Variants in RASAL2 observed in about 807,000 individuals in gnomAD.
RASAL2 encodes the protein RAS protein activator like 2.
RASAL2 carries 58 observed loss-of-function variants against 128.9 expected under a neutral mutation model. The observed-to-expected ratio is 0.45, with a 90% confidence interval of 0.36 to 0.56. The LOEUF is 0.56. RASAL2 is among the 20% of genes least tolerant of loss of function. The pLI, the probability that RASAL2 is intolerant of heterozygous loss-of-function variation, is 0.00. For synonymous variants in RASAL2, 561 were observed against 580.8 expected (o/e 0.97, Z 0.49); for missense variants, 1,360 against 1,601.6 (o/e 0.85, Z 2.57).
intron 1 of RASAL2, among the ~76,000 whole-genome samples, chr1:178,192,410 A>G (rs1236208055): frequency 1.3e-5 from 2 of 152,260 alleles, no homozygotes; most frequent in African/African-American, 4.8e-5. Flanking sequence ...TTTTAAAAAT[A>G]TGAATAAATT....
chr1:178,198,227 G>A (rs78259789), intron 1 of RASAL2, among the ~76,000 whole-genome samples: 16,521 of 152,150 alleles, frequency 0.11, 1,149 homozygotes, highest in African/African-American at 0.19. Context: ...CCAGTAATGG[G>A]ATCTCTGGGT....
intron 1 of RASAL2, among the ~76,000 whole-genome samples, chr1:178,259,162 G>T (rs371496943): frequency 1.7e-5 from 2 of 117,626 alleles, no homozygotes; most frequent in Middle Eastern, 5.4e-3. Context: ...ACGGAGTCTC[G>T]CTCTGTGGCC....
chr1:178,243,543 G>T (rs928404607), intron 1 of RASAL2, among the ~76,000 whole-genome samples: 1 of 150,056 alleles, frequency 6.7e-6, no homozygotes, highest in African/African-American at 2.5e-5. Flanking sequence ...GCTGCTTATT[G>T]TCTGTTGGCC....
At chr1:178,227,332 G>C (rs1048135050) in intron 1 of RASAL2, among the ~76,000 whole-genome samples, 1 of 152,162 alleles carries the variant, frequency 6.6e-6, no homozygotes, top group Admixed American at 6.5e-5. Context: ...CATCTTCCCT[G>C]TAAGCCCTGT....
In RASAL2 at chr1:178,458,299, C is replaced by T; in HGVS notation, c.3007C>T (p.Gln1003Ter). 6.2e-7 allele frequency: 1 copy of T among 1,614,238 alleles called. No individual in the cohort carries two copies. The change falls in exon 14 of 18, where the codon CAA becomes TAA. Residue 1003 changes from glutamine to a stop codon, truncating the protein, a stop_gained. Transcript: ENST00000367649. LOFTEE classifies it high-confidence loss of function. ...DRHIPLALPRQNSTGQAQIRK... is the reference protein window; with the variant it reads ...DRHIPLALPR ...ACACATACCTCTTGCTTTGCCACGACAAAATAGTACTGGGCAGGCCCAGAT... is the reference window on the plus strand; with the variant it reads ...ACACATACCTCTTGCTTTGCCACGATAAAATAGTACTGGGCAGGCCCAGAT...
intron 1 of RASAL2, among the ~76,000 whole-genome samples, chr1:178,094,928 C>G (rs1490821073): frequency 1.3e-5 from 2 of 152,082 alleles, no homozygotes; most frequent in Non-Finnish European, 2.9e-5. Context: ...AAGTTTAATG[C>G]GGGAGTTGGG....
chr1:178,269,446 C>T (rs1420364082), intron 1 of RASAL2, among the ~76,000 whole-genome samples: 2 of 152,172 alleles, frequency 1.3e-5, no homozygotes, highest in African/African-American at 4.8e-5. Flanking sequence ...TACAGTGAGG[C>T]TGAAACTTAC....
At chr1:178,303,202 G>C (rs186530815) in intron 3 of RASAL2, among the ~76,000 whole-genome samples, 31 of 152,200 alleles carry the variant, frequency 2.0e-4, no homozygotes, top group Middle Eastern at 3.4e-3. Flanking sequence ...TCTTTTTGGA[G>C]TGGGGTGGGA....
intron 3 of RASAL2, among the ~76,000 whole-genome samples, chr1:178,387,078 C>T (rs1672618903): frequency 6.6e-6 from 1 of 152,104 alleles, no homozygotes; most frequent in South Asian, 2.1e-4. Context: ...TTTCTGTATG[C>T]TTTGAAGTAG....
At chr1:178,102,395 A>G (rs1341458441) in intron 1 of RASAL2, among the ~76,000 whole-genome samples, 1 of 151,790 alleles carries the variant, frequency 6.6e-6, no homozygotes, top group Admixed American at 6.6e-5. Context: ...ATCATAGCTC[A>G]TGCCCAGGTT....
chr1:178,243,168 A>G (rs1664595926), intron 1 of RASAL2, among the ~76,000 whole-genome samples: 2 of 152,316 alleles, frequency 1.3e-5, no homozygotes, highest in East Asian at 1.9e-4. Context: ...CTCCAAGCCT[A>G]CAGTAGTGAG....
chr1:178,163,142 A>G (rs1019974278), intron 1 of RASAL2, among the ~76,000 whole-genome samples: 4 of 150,304 alleles, frequency 2.7e-5, no homozygotes, highest in African/African-American at 9.8e-5. Context: ...TAATTTTTAT[A>G]TTTTTAGTAG....
intron 1 of RASAL2, among the ~76,000 whole-genome samples, chr1:178,274,702 C>T (rs1401271719): frequency 1.3e-5 from 2 of 152,142 alleles, no homozygotes; most frequent in Non-Finnish European, 2.9e-5. Flanking sequence ...ATCCTCCTGC[C>T]ACAGCCTCCT....
intron 1 of RASAL2, among the ~76,000 whole-genome samples, chr1:178,257,592 C>T (rs908091238): frequency 1.3e-5 from 2 of 152,126 alleles, no homozygotes; most frequent in Non-Finnish European, 2.9e-5. Context: ...AATCCCTGCA[C>T]TTTGGAAAAC....
intron 3 of RASAL2, among the ~76,000 whole-genome samples, chr1:178,354,230 A>G (rs1670673733): frequency 6.6e-6 from 1 of 152,256 alleles, no homozygotes; most frequent in Admixed American, 6.5e-5. Flanking sequence ...ATAGTTTACC[A>G]TTAATGAACT....
At chr1:178,217,558 A>G (rs1215323364) in intron 1 of RASAL2, among the ~76,000 whole-genome samples, 1 of 152,240 alleles carries the variant, frequency 6.6e-6, no homozygotes, top group African/African-American at 2.4e-5. Context: ...GACCACTGCA[A>G]TAAAGCAAAT....
At chr1:178,430,749 G>A (rs894022280) in intron 5 of RASAL2, among the ~76,000 whole-genome samples, 1 of 152,096 alleles carries the variant, frequency 6.6e-6, no homozygotes, top group Admixed American at 6.6e-5. Context: ...TTTACTGCAT[G>A]TCACATGGCT....
chr1:178,149,030 A>G (rs1347880937), intron 1 of RASAL2, among the ~76,000 whole-genome samples: 2 of 151,614 alleles, frequency 1.3e-5, no homozygotes, highest in African/African-American at 4.9e-5. Context: ...CTTTTTTCCT[A>G]AGTATAGATG....
At chr1:178,272,420 C>A (rs1474613981) in intron 1 of RASAL2, among the ~76,000 whole-genome samples, 1 of 152,074 alleles carries the variant, frequency 6.6e-6, no homozygotes, top group African/African-American at 2.4e-5. Flanking sequence ...CTCTAAGATA[C>A]CTTTTAACTC....
Sources: gnomAD v4.1 joint callset for allele counts (sites outside exome capture counted in the v4.1 genomes callset) on GRCh38, gnomAD v4.1.1 for gene constraint, MANE v1.5 for transcripts, NCBI Gene and HGNC (gene_info 2026-07-23, HGNC 2026-07-21) for gene names.